The following CSNK1G3 variants were observed in gnomAD, a reference collection of about 807,000 sequenced individuals.
The protein encoded by CSNK1G3 is casein kinase I isoform gamma-3.
In CSNK1G3, 23 loss-of-function variants were observed where a neutral mutation model predicts 64.3. That is an observed-to-expected ratio of 0.36 (90% confidence interval 0.26 to 0.51). The LOEUF is 0.51. Ranked by LOEUF, CSNK1G3 falls within the 20% of genes least tolerant of loss-of-function variation. The pLI is 0.96. For synonymous variants in CSNK1G3, 158 were observed against 162.2 expected, an observed-to-expected ratio of 0.97 and a Z score of 0.20; for missense variants, 357 against 510.5, an observed-to-expected ratio of 0.70 and a Z score of 2.90.
intron 1 of CSNK1G3, among the ~76,000 whole-genome samples, chr5:123,521,201 T>C (rs927509018): frequency 1.7e-4 from 26 of 152,140 alleles, no homozygotes; most frequent in Admixed American, 1.0e-3. Flanking sequence ...CTTTTCTACA[T>C]TTATTTTAGG....
At chr5:123,609,815 A>G (rs1039793543) in intron 12 of CSNK1G3, among the ~76,000 whole-genome samples, 2 of 152,154 alleles carry the variant, frequency 1.3e-5, no homozygotes, top group South Asian at 4.1e-4. Flanking sequence ...AGGAGGGTGG[A>G]AATAGGTTGG....
At chr5:123,561,055 A>G (rs747487881) in intron 4 of CSNK1G3, among the ~76,000 whole-genome samples, 13 of 152,172 alleles carry the variant, frequency 8.5e-5, no homozygotes, top group East Asian at 1.9e-4. Flanking sequence ...AAAATATACA[A>G]TTTGGTTTTG....
At chr5:123,583,446 C>T (rs547127950) in intron 6 of CSNK1G3, among the ~76,000 whole-genome samples, 39 of 152,218 alleles carry the variant, frequency 2.6e-4, no homozygotes, top group African/African-American at 7.0e-4. Flanking sequence ...CCACAACCTC[C>T]GCCTCCCAGA....
chr5:123,580,321 T>C (rs572697132), intron 6 of CSNK1G3, among the ~76,000 whole-genome samples: 32 of 151,974 alleles, frequency 2.1e-4, no homozygotes, highest in Non-Finnish European at 3.5e-4. Context: ...GTATTTTTCC[T>C]TTTTGGAGAC....
chr5:123,576,512 A>AT (rs1328065697), intron 6 of CSNK1G3, among the ~76,000 whole-genome samples: 3 of 152,090 alleles, frequency 2.0e-5, no homozygotes, highest in African/African-American at 7.2e-5. Context: ...ACTTCACAGG[A>AT]TTTTTTATAG....
chr5:123,524,827 G>T (rs1258288977), intron 1 of CSNK1G3, among the ~76,000 whole-genome samples: 1 of 152,172 alleles, frequency 6.6e-6, no homozygotes, highest in East Asian at 1.9e-4. Flanking sequence ...GTAGTGTTCT[G>T]TGTATGTGGT....
exon 13 of CSNK1G3, chr5:123,615,085 G>A (rs1325942629): frequency 6.6e-6 from 1 of 152,618 alleles, no homozygotes; most frequent in Non-Finnish European, 1.5e-5. Flanking sequence ...GCATCACTAT[G>A]TGAAGTACTG....
chr5:123,553,830 A>G (rs1056939218), intron 3 of CSNK1G3, among the ~76,000 whole-genome samples: 2 of 152,230 alleles, frequency 1.3e-5, no homozygotes, highest in African/African-American at 4.8e-5. Flanking sequence ...TGTTTCATTC[A>G]TTAAGTGGTG....
chr5:123,578,165 C>A (rs939505098), intron 6 of CSNK1G3, among the ~76,000 whole-genome samples: 1 of 151,830 alleles, frequency 6.6e-6, no homozygotes, highest in Non-Finnish European at 1.5e-5. Flanking sequence ...AATATTCTTA[C>A]AAATCTTTTT....
At chr5:123,570,454 A>G (rs1787872640) in intron 4 of CSNK1G3, among the ~76,000 whole-genome samples, 2 of 151,510 alleles carry the variant, frequency 1.3e-5, no homozygotes, top group African/African-American at 4.9e-5. Flanking sequence ...CCTGGGTTCA[A>G]GCAGTTCTCC....
intron 2 of CSNK1G3, among the ~76,000 whole-genome samples, chr5:123,549,396 C>T (rs1783208123): frequency 6.6e-6 from 1 of 152,116 alleles, no homozygotes; most frequent in South Asian, 2.1e-4. Context: ...TTAGAATTAG[C>T]CAAAAACTCA....
intron 3 of CSNK1G3, among the ~76,000 whole-genome samples, chr5:123,556,975 A>T (rs1037558869): frequency 1.1e-4 from 16 of 152,078 alleles, no homozygotes; most frequent in Admixed American, 2.0e-4. Context: ...GGTTATAGGG[A>T]TATATGGAGT....
chr5:123,588,473 G>A (rs923841023), exon 8 of CSNK1G3: 4 of 1,612,326 alleles, frequency 2.5e-6, no homozygotes, highest in African/African-American at 1.3e-5. Context: ...GATACAAAAC[G>A]GGCTACACCA....
intron 4 of CSNK1G3, among the ~76,000 whole-genome samples, chr5:123,564,910 C>T (rs6891233): frequency 0.6 from 91,245 of 151,982 alleles, 28,569 homozygotes; most frequent in African/African-American, 0.78. Context: ...CTTAAACTTT[C>T]GGGTCTCAGG....
intron 6 of CSNK1G3, among the ~76,000 whole-genome samples, chr5:123,578,088 C>G (rs981416865): frequency 1.3e-4 from 19 of 151,904 alleles, no homozygotes; most frequent in African/African-American, 4.6e-4. Context: ...ATATCACAAA[C>G]TGCTTATCCA....
intron 4 of CSNK1G3, among the ~76,000 whole-genome samples, chr5:123,569,237 A>G (rs1381875220): frequency 2.0e-5 from 3 of 152,146 alleles, no homozygotes; most frequent in East Asian, 3.9e-4. Flanking sequence ...GGATAGGGTA[A>G]TTTTCCTCCA....
chr5:123,612,754 G>A (rs566962771), intron 12 of CSNK1G3, among the ~76,000 whole-genome samples: 3 of 152,228 alleles, frequency 2.0e-5, no homozygotes, highest in East Asian at 1.9e-4. Context: ...GGGATTACAC[G>A]CATGAGCCAC....
intron 4 of CSNK1G3, among the ~76,000 whole-genome samples, chr5:123,557,796 A>G (rs1784909867): frequency 6.6e-6 from 1 of 152,132 alleles, no homozygotes; most frequent in Admixed American, 6.6e-5. Flanking sequence ...TTAATTTGCA[A>G]ATATAAAATG....
At chr5:123,545,634 G>T in exon 2 of CSNK1G3, 1 of 1,592,520 alleles carries the variant, frequency 6.3e-7, no homozygotes, top group South Asian at 1.1e-5. Context: ...CTTGATTAAA[G>T]AATTCAAAGT....
Sources: gnomAD v4.1 joint callset for allele counts (sites outside exome capture counted in the v4.1 genomes callset) on GRCh38, gnomAD v4.1.1 for gene constraint, MANE v1.5 for transcripts, NCBI Gene and HGNC (gene_info 2026-07-23, HGNC 2026-07-21) for gene names.